COX10: variants seen among roughly 807,000 people sequenced by gnomAD.
COX10 encodes the protein cytochrome c oxidase assembly factor heme A:farnesyltransferase COX10.
Under a neutral mutation model 37.3 loss-of-function variants are expected in COX10, and 27 were observed. The ratio of observed to expected loss-of-function variants is 0.72; its 90% confidence interval spans 0.53 to 1.00. The LOEUF (loss-of-function observed/expected upper bound fraction) is 1.00, where lower values mean the gene tolerates loss of function less well. Among genes scored for constraint, COX10 ranks in the 50% least tolerant of loss-of-function variants. The pLI is 0.00. For missense variants in COX10, 475 were observed against 563.2 expected (o/e 0.84, Z 1.59); for synonymous variants, 222 against 229.1 (o/e 0.97, Z 0.28).
At chr17:14,165,823 A>T (rs1483770522) in intron 5 of COX10, among the ~76,000 whole-genome samples, 1 of 152,228 alleles carries the variant, frequency 6.6e-6, no homozygotes, top group Admixed American at 6.5e-5. Flanking sequence ...TACACAAATG[A>T]TAAGAAAGTG....
intron 5 of COX10, among the ~76,000 whole-genome samples, chr17:14,190,027 A>G (rs1906153149): frequency 1.3e-5 from 2 of 152,216 alleles, no homozygotes; most frequent in South Asian, 2.1e-4. Flanking sequence ...TTTAAAAGGA[A>G]TGAAGACAGC....
intron 6 of COX10, among the ~76,000 whole-genome samples, chr17:14,202,084 ATCTC>A (rs58971576): frequency 2.2e-5 from 3 of 135,328 alleles, no homozygotes; most frequent in Admixed American, 7.3e-5. Flanking sequence ...ATTAAAACAG[ATCTC>A]TCTCTTTTTT....
rs186193963 is a variant in COX10 at position 14,184,794 on chromosome 17, T to C, written c.696-7195T>C. On this transcript the variant is annotated intron_variant, in intron 5 of 6. Coordinates refer to ENST00000261643, the MANE Select transcript of COX10 (RefSeq NM_001303.4). ...GTCAGCACTGGAGTGGAGCGGCTTA[T>C]GTTGGCTCAGCGTATGTAGCTTGGC... Among the ~76,000 whole-genome samples, 577 of 151,846 alleles carry C rather than the reference T, an allele frequency of 3.8e-3. 17 individuals are homozygous for C. The highest frequency in any genetic ancestry group is 0.032 in the Admixed American group (490 of 15,182).
chr17:14,130,654 C>T (rs541320935), intron 4 of COX10, among the ~76,000 whole-genome samples: 2 of 152,054 alleles, frequency 1.3e-5, no homozygotes, highest in African/African-American at 2.4e-5. Context: ...TTACGTTCTT[C>T]ACCACTGTCT....
chr17:14,089,977 C>G (rs1915487777), intron 3 of COX10, among the ~76,000 whole-genome samples: 1 of 152,114 alleles, frequency 6.6e-6, no homozygotes, highest in Non-Finnish European at 1.5e-5. Flanking sequence ...AGGGAGACCT[C>G]TGCAACTTAC....
chr17:14,074,101 T>A lies in COX10; in HGVS notation c.44-222T>A, dbSNP rs958398824. On this transcript the variant is annotated intron_variant, in intron 1 of 6. Transcript: ENST00000261643. ...AAGCATAGTGATCCTGAAATGAAAA[T>A]TTTCCCTGGCCCTTCTGAAGACCTA... 4.6e-5 allele frequency among the ~76,000 whole-genome samples: 7 copies of A among 151,812 alleles called. No homozygotes were observed. The South Asian group carries it at 1.5e-3, about 32-fold the overall frequency.
chr17:14,159,854 GTCTTTTTTCAT>G lies in COX10; in HGVS notation c.625-15_625-5del, dbSNP rs1412187198. On this transcript the variant is annotated splice_polypyrimidine_tract_variant and intron_variant, in intron 4 of 6. Coordinates refer to ENST00000261643, the MANE Select transcript of COX10 (RefSeq NM_001303.4). ...AATTGTTTTATAGTTAATGTTTTCTGTCTTTTTTCATTCTTTTTACAGTTTTTTGAGGTGCC... is the reference window on the plus strand; with the variant it reads ...AATTGTTTTATAGTTAATGTTTTCTGTCTTTTTACAGTTTTTTGAGGTGCC... 3 of 1,573,810 alleles carry G rather than the reference GTCTTTTTTCAT, an allele frequency of 1.9e-6. No homozygotes were observed. In the African/African-American group the frequency reaches 4.0e-5, roughly 21 times the overall value.
chr17:14,141,328 T>C (rs1187433968), intron 4 of COX10, among the ~76,000 whole-genome samples: 2 of 151,764 alleles, frequency 1.3e-5, no homozygotes, highest in African/African-American at 4.8e-5. Flanking sequence ...TTGCCTGAGC[T>C]CAGGAGTTGG....
At chr17:14,124,082 CTG>C (rs1204794302) in intron 4 of COX10, among the ~76,000 whole-genome samples, 1 of 152,152 alleles carries the variant, frequency 6.6e-6, no homozygotes, top group Admixed American at 6.6e-5. Context: ...GTCAAGGTGA[CTG>C]TGGGTCTCTA....
intron 5 of COX10, among the ~76,000 whole-genome samples, chr17:14,168,110 T>G (rs1248315416): frequency 6.6e-6 from 1 of 152,216 alleles, no homozygotes; most frequent in Non-Finnish European, 1.5e-5. Context: ...ATTGGCTAAA[T>G]GCTCCCATTC....
At chr17:14,201,142 A>G (rs1177274350) in intron 6 of COX10, among the ~76,000 whole-genome samples, 1 of 152,212 alleles carries the variant, frequency 6.6e-6, no homozygotes, top group Non-Finnish European at 1.5e-5. Flanking sequence ...GATGAGTAGA[A>G]TACTTATCTT....
chr17:14,099,989 C>A lies in COX10; in HGVS notation c.500-2129C>A, dbSNP rs1277771271. ...GGTAAAGTGCACTTTTCCATTCATT[C>A]TTTTTTGTTGTTTTATCTTCCTACC... On this transcript the variant is annotated intron_variant, in intron 3 of 6. Transcript: ENST00000261643. Among the ~76,000 whole-genome samples the A allele has an allele frequency of 2.6e-5, 4 of 152,206 alleles. No homozygotes were observed. In the East Asian group the frequency reaches 7.7e-4, roughly 29 times the overall value.
intron 4 of COX10, among the ~76,000 whole-genome samples, chr17:14,158,813 G>A (rs1309504053): frequency 1.3e-5 from 2 of 152,140 alleles, no homozygotes; most frequent in Non-Finnish European, 2.9e-5. Flanking sequence ...CATAGCTGGG[G>A]AAGTACTGAC....
intron 6 of COX10, among the ~76,000 whole-genome samples, 171 bp from the exon 7 acceptor site, chr17:14,206,639 G>T (rs955652435): frequency 1.3e-5 from 2 of 152,158 alleles, no homozygotes; most frequent in African/African-American, 4.8e-5. Flanking sequence ...CCAGCCTGAT[G>T]TAGGCACCTG....
rs1342325313 is a variant in COX10 at position 14,191,923 on chromosome 17, G to A, written c.696-66G>A. On this transcript the variant is annotated intron_variant, in intron 5 of 6. Transcript: ENST00000261643. ...GGATTATTTGTACTTTGTCAGTGCC[G>A]ATTTTAGGTAGTGTGATTGAGTTGA... 1.7e-5 allele frequency: 26 copies of A among 1,563,162 alleles called. No individual in the cohort carries two copies. In the East Asian group the frequency reaches 4.5e-4, roughly 27 times the overall value.
intron 5 of COX10, among the ~76,000 whole-genome samples, chr17:14,164,888 G>A (rs1156604060): frequency 3.9e-5 from 6 of 152,296 alleles, no homozygotes; most frequent in Non-Finnish European, 7.3e-5. Context: ...AAGAGATCAC[G>A]TAGGGAAAGT....
intron 4 of COX10, among the ~76,000 whole-genome samples, chr17:14,116,872 A>T (rs564907756): frequency 6.6e-6 from 1 of 152,298 alleles, no homozygotes; most frequent in East Asian, 1.9e-4. Flanking sequence ...GGAAATATAA[A>T]TGAGATCATA....
At chr17:14,151,007 A>C (rs1904877588) in intron 4 of COX10, among the ~76,000 whole-genome samples, 1 of 152,336 alleles carries the variant, frequency 6.6e-6, no homozygotes, top group South Asian at 2.1e-4. Flanking sequence ...CTGCTTCAGA[A>C]GTAGTTGGAA....
chr17:14,099,062 G>C (rs993671793), intron 3 of COX10, among the ~76,000 whole-genome samples: 1 of 152,008 alleles, frequency 6.6e-6, no homozygotes, highest in African/African-American at 2.4e-5. Context: ...TTAGCCTCTC[G>C]TTTGCCTTCA....
Sources: gnomAD v4.1 joint callset for allele counts (sites outside exome capture counted in the v4.1 genomes callset) on GRCh38, gnomAD v4.1.1 for gene constraint, MANE v1.5 for transcripts, NCBI Gene and HGNC (gene_info 2026-07-23, HGNC 2026-07-21) for gene names.